PTPRM: variants seen among roughly 807,000 people sequenced by gnomAD.
PTPRM encodes protein tyrosine phosphatase receptor type M.
A neutral mutation model predicts 186.7 loss-of-function variants in PTPRM; 47 were observed. The ratio of observed to expected loss-of-function variants is 0.25; its 90% CI spans 0.20 to 0.32. The LOEUF is 0.32. Among genes scored for constraint, PTPRM ranks in the 10% least tolerant of loss-of-function variants. The pLI is 1.00. For missense variants in PTPRM, 1,494 were observed against 1,865.0 expected, an observed-to-expected ratio of 0.80 and a Z score of 3.66; for synonymous variants, 668 against 674.9, an observed-to-expected ratio of 0.99 and a Z score of 0.16.
At chr18:8,153,001 C>T (rs2093045193) in intron 14 of PTPRM, among the ~76,000 whole-genome samples, 1 of 152,182 alleles carries the variant, frequency 6.6e-6, no homozygotes, top group Non-Finnish European at 1.5e-5. Flanking sequence ...CAGGCATGAG[C>T]CACTGCGCCT....
chr18:7,733,480 T>C (rs1353391673), intron 1 of PTPRM, among the ~76,000 whole-genome samples: 1 of 152,176 alleles, frequency 6.6e-6, no homozygotes, highest in East Asian at 1.9e-4. Context: ...TTATTCAGTC[T>C]ATCAATGATA....
chr18:8,238,881 A>G (rs1429810743), intron 14 of PTPRM, among the ~76,000 whole-genome samples: 1 of 151,298 alleles, frequency 6.6e-6, no homozygotes, highest in Non-Finnish European at 1.5e-5. Flanking sequence ...TAGTTGGGAT[A>G]GGATGGCTAA....
chr18:8,151,604 A>G (rs1359959462), intron 14 of PTPRM, among the ~76,000 whole-genome samples: 1 of 150,544 alleles, frequency 6.6e-6, no homozygotes, highest in Non-Finnish European at 1.5e-5. Flanking sequence ...CCACTGAGGC[A>G]GACCACTTGG....
chr18:8,375,105 A>G (rs1016854319), intron 24 of PTPRM, among the ~76,000 whole-genome samples: 1 of 152,246 alleles, frequency 6.6e-6, no homozygotes, highest in Non-Finnish European at 1.5e-5. Context: ...TTATACTTAG[A>G]AAACAAAATT....
chr18:7,739,433 C>A (rs1340903893), intron 1 of PTPRM, among the ~76,000 whole-genome samples: 1 of 152,210 alleles, frequency 6.6e-6, no homozygotes, highest in Non-Finnish European at 1.5e-5. Context: ...ATTAGCATGA[C>A]AACATAAAGC....
At chr18:8,109,476 G>T (rs965980174) in intron 11 of PTPRM, among the ~76,000 whole-genome samples, 8 of 152,168 alleles carry the variant, frequency 5.3e-5, no homozygotes, top group African/African-American at 1.9e-4. Context: ...TGAGTGGATA[G>T]TAGCCATTTA....
At chr18:7,779,970 C>G (rs2042776675) in intron 2 of PTPRM, among the ~76,000 whole-genome samples, 1 of 152,146 alleles carries the variant, frequency 6.6e-6, no homozygotes, top group Non-Finnish European at 1.5e-5. Context: ...ACCACATTTT[C>G]CCACATTTAT....
At chr18:7,966,539 A>C (rs2147241779) in intron 7 of PTPRM, among the ~76,000 whole-genome samples, 1 of 150,528 alleles carries the variant, frequency 6.6e-6, no homozygotes, top group African/African-American at 2.4e-5. Context: ...TTTCCATCTG[A>C]GGTACCGGGT....
chr18:8,041,498 T>C (rs1419842537), intron 7 of PTPRM, among the ~76,000 whole-genome samples: 1 of 152,192 alleles, frequency 6.6e-6, no homozygotes, highest in East Asian at 1.9e-4. Context: ...TATTTGTCAT[T>C]TCTACTACAG....
chr18:7,864,743 G>A (rs1341229381), intron 2 of PTPRM, among the ~76,000 whole-genome samples: 1 of 152,156 alleles, frequency 6.6e-6, no homozygotes, highest in African/African-American at 2.4e-5. Context: ...GAAAGTCAAT[G>A]GTAGCTTGAT....
chr18:7,581,015 T>C (rs1160468900), intron 1 of PTPRM, among the ~76,000 whole-genome samples: 1 of 152,228 alleles, frequency 6.6e-6, no homozygotes, highest in Admixed American at 6.5e-5. Context: ...GTCAGATTCT[T>C]CTCGTGGACA....
intron 11 of PTPRM, 51 bp downstream of exon 11, chr18:8,088,902 G>A (rs540792597): frequency 6.4e-5 from 87 of 1,352,056 alleles, no homozygotes; most frequent in Middle Eastern, 5.4e-4. Context: ...ACTAAATCAA[G>A]TTGATTAATT....
chr18:8,396,664 G>T (rs1410450501), intron 32 of PTPRM, among the ~76,000 whole-genome samples: 2 of 152,232 alleles, frequency 1.3e-5, no homozygotes, highest in African/African-American at 4.8e-5. Context: ...TGAGGGAGAA[G>T]ATGGGATTTC....
At chr18:8,192,584 T>C (rs920827443) in intron 14 of PTPRM, among the ~76,000 whole-genome samples, 2 of 152,168 alleles carry the variant, frequency 1.3e-5, no homozygotes, top group African/African-American at 4.8e-5. Context: ...AATAAATATA[T>C]GCATCTATGG....
At chr18:8,348,471 G>C (rs1161070722) in intron 23 of PTPRM, among the ~76,000 whole-genome samples, 1 of 152,228 alleles carries the variant, frequency 6.6e-6, no homozygotes, top group Non-Finnish European at 1.5e-5. Flanking sequence ...ACGTGTTCTG[G>C]GAAGAGACCC....
intron 14 of PTPRM, among the ~76,000 whole-genome samples, chr18:8,174,133 T>G (rs1244083052): frequency 6.6e-6 from 1 of 152,150 alleles, no homozygotes; most frequent in Non-Finnish European, 1.5e-5. Flanking sequence ...AAAGGGAAGT[T>G]GCAAATCTTG....
intron 1 of PTPRM, among the ~76,000 whole-genome samples, chr18:7,770,228 A>T (rs1847370266): frequency 6.6e-6 from 1 of 152,122 alleles, no homozygotes; most frequent in South Asian, 2.1e-4. Flanking sequence ...GTTTCAGGGG[A>T]CTTTGCCTCC....
At chr18:8,315,608 G>A (rs1601772690) in intron 21 of PTPRM, among the ~76,000 whole-genome samples, 1 of 152,158 alleles carries the variant, frequency 6.6e-6, no homozygotes, top group African/African-American at 2.4e-5. Flanking sequence ...CTGCTCCCTT[G>A]TGGTTCCGAA....
chr18:7,857,176 A>G (rs1452399784), intron 2 of PTPRM, among the ~76,000 whole-genome samples: 1 of 152,138 alleles, frequency 6.6e-6, no homozygotes, highest in East Asian at 1.9e-4. Context: ...AGAGGGGCAC[A>G]TGACGGGCAG....
Sources: allele counts gnomAD v4.1 joint callset (sites outside exome capture counted in the v4.1 genomes callset), GRCh38; gene constraint gnomAD v4.1.1; transcripts MANE v1.5; gene names NCBI Gene and HGNC (gene_info 2026-07-23, HGNC 2026-07-21).